Variants in SLC25A26 observed in about 807,000 individuals in gnomAD.
SLC25A26 encodes the protein solute carrier family 25 member 26.
SLC25A26 carries 36 observed loss-of-function variants against 37.8 expected under a neutral mutation model. That is an observed-to-expected ratio of 0.95 (90% CI 0.73 to 1.26). SLC25A26 has a LOEUF of 1.26. Among genes scored for constraint, SLC25A26 ranks in the 50% most tolerant of loss-of-function variants. The pLI, the probability that SLC25A26 is intolerant of heterozygous loss-of-function variation, is 0.00. For synonymous variants in SLC25A26, 129 were observed against 122.5 expected (o/e 1.05, Z -0.35); for missense variants, 390 against 331.1 (o/e 1.18, Z -1.38).
chr3:66,168,200 T>TGCACAC (rs1553649664), intron 1 of SLC25A26, among the ~76,000 whole-genome samples: 1 of 115,484 alleles, frequency 8.7e-6, no homozygotes, highest in Non-Finnish European at 1.8e-5. Flanking sequence ...TATATATATA[T>TGCACAC]ACACACACAC....
Position 66,172,410 on chromosome 3 carries a change from G to GAAAAAAAAAAAAAAA in SLC25A26, c.-354+38432_-354+38446dup, listed in dbSNP as rs1199322248. Among the ~76,000 whole-genome samples the GAAAAAAAAAAAAAAA allele has an allele frequency of 1.2e-3, 89 of 75,122 alleles. 2 individuals are homozygous for GAAAAAAAAAAAAAAA. Among genetic ancestry groups the GAAAAAAAAAAAAAAA allele is most frequent in the Non-Finnish European group, 1.3e-3 (53 of 39,854 alleles). 49.3% of individuals were successfully genotyped at this position (75,122 alleles called of 152,430 possible). Reference sequence around the variant, plus strand: ...TGGGCCAGAGAGTGATACCTGTAAAGAAAAAAAAAAAAAAAAAAAAGGAAA... The same window carrying GAAAAAAAAAAAAAAA: ...TGGGCCAGAGAGTGATACCTGTAAAGAAAAAAAAAAAAAAAAAAAAAAAAAAAAAAAAAAAGGAAA... On this transcript the variant is annotated intron_variant, in intron 1 of 10. Transcript: ENST00000676754.
intron 5 of SLC25A26, among the ~76,000 whole-genome samples, chr3:66,303,572 T>G (rs962616554): frequency 1.3e-5 from 2 of 152,194 alleles, no homozygotes; most frequent in Non-Finnish European, 2.9e-5. Flanking sequence ...ATGTCCCACA[T>G]TTTTCACTCC....
intron 3 of SLC25A26, among the ~76,000 whole-genome samples, chr3:66,253,284 G>A (rs1378158461): frequency 6.6e-6 from 1 of 151,582 alleles, no homozygotes; most frequent in African/African-American, 2.4e-5. Flanking sequence ...GGTGGTGGAC[G>A]CCTGTAGTCC....
At chr3:66,325,995 G>A (rs1378707550) in intron 5 of SLC25A26, among the ~76,000 whole-genome samples, 1 of 152,164 alleles carries the variant, frequency 6.6e-6, no homozygotes, top group African/African-American at 2.4e-5. Flanking sequence ...ACATTAGGGA[G>A]AAATAGATTG....
intron 1 of SLC25A26, among the ~76,000 whole-genome samples, chr3:66,170,053 T>C (rs1191863675): frequency 6.6e-6 from 1 of 152,202 alleles, no homozygotes; most frequent in Non-Finnish European, 1.5e-5. Context: ...GGGCAACCAG[T>C]ATTTTTGCTT....
chr3:66,260,323 T>C (rs565604393), intron 3 of SLC25A26, among the ~76,000 whole-genome samples: 13 of 152,326 alleles, frequency 8.5e-5, no homozygotes, highest in African/African-American at 2.6e-4. Flanking sequence ...CATATGTATT[T>C]CTTGAACTGA....
intron 1 of SLC25A26, among the ~76,000 whole-genome samples, chr3:66,143,835 C>T (rs750885609): frequency 3.1e-4 from 47 of 152,192 alleles, no homozygotes; most frequent in Admixed American, 8.5e-4. Flanking sequence ...GAGCTGAGAT[C>T]GTGCCAGTGC....
At chr3:66,208,309 C>G (rs2106826553) in intron 1 of SLC25A26, among the ~76,000 whole-genome samples, 2 of 152,156 alleles carry the variant, frequency 1.3e-5, no homozygotes, top group African/African-American at 4.8e-5. Context: ...CACAACAGAA[C>G]TGATTTATCA....
At chr3:66,263,799 C>T (rs1295604423) in intron 5 of SLC25A26, among the ~76,000 whole-genome samples, 2 of 152,122 alleles carry the variant, frequency 1.3e-5, no homozygotes, top group South Asian at 2.1e-4. Flanking sequence ...GCTGGGACCA[C>T]GGGTGCCCAC....
At chr3:66,264,570 C>T (rs1010876133) in intron 5 of SLC25A26, among the ~76,000 whole-genome samples, 7 of 152,054 alleles carry the variant, frequency 4.6e-5, no homozygotes, top group Admixed American at 1.3e-4. Context: ...TTATGAACTG[C>T]GCATGTGAGG....
chr3:66,218,820 A>G (rs1401254523), upstream of SLC25A26, among the ~76,000 whole-genome samples: 3 of 152,200 alleles, frequency 2.0e-5, no homozygotes, highest in Non-Finnish European at 4.4e-5. Flanking sequence ...GCTAGCACTA[A>G]TCTGCCAGTT....
At chr3:66,346,446 T>C in intron 6 of SLC25A26, 38 bp downstream of exon 6, 1 of 1,127,520 alleles carries the variant, frequency 8.9e-7, no homozygotes, top group Non-Finnish European at 1.2e-6. Flanking sequence ...TTGTCTCTAA[T>C]TATAACATAC....
intron 5 of SLC25A26, among the ~76,000 whole-genome samples, chr3:66,306,122 C>G (rs1473369371): frequency 1.3e-5 from 2 of 152,094 alleles, no homozygotes; most frequent in Admixed American, 1.3e-4. Context: ...GTAGCTGGGA[C>G]TACAGGTGTG....
chr3:66,210,517 CTCTT>C (rs1246648050), intron 1 of SLC25A26, among the ~76,000 whole-genome samples: 1 of 151,776 alleles, frequency 6.6e-6, no homozygotes, highest in African/African-American at 2.4e-5. Context: ...ACAACTGTGA[CTCTT>C]TTTTTTTTCT....
chr3:66,217,455 C>T (rs968766846), upstream of SLC25A26, among the ~76,000 whole-genome samples: 71 of 152,232 alleles, frequency 4.7e-4, no homozygotes, highest in African/African-American at 1.6e-3. Context: ...ATGACAAGCA[C>T]TGGACTAAAA....
At chr3:66,227,556 T>C (rs1159817854) in intron 1 of SLC25A26, among the ~76,000 whole-genome samples, 1 of 152,244 alleles carries the variant, frequency 6.6e-6, no homozygotes, top group Non-Finnish European at 1.5e-5. Flanking sequence ...GTTAATATGC[T>C]GTGGTAACTG....
chr3:66,239,849 A>G (rs1245743879), intron 2 of SLC25A26, among the ~76,000 whole-genome samples: 2 of 112,016 alleles, frequency 1.8e-5, no homozygotes, highest in African/African-American at 3.6e-5. Flanking sequence ...TTAACAGTGG[A>G]TTAAGCTGGA....
intron 6 of SLC25A26, among the ~76,000 whole-genome samples, chr3:66,349,304 G>A (rs2076396917): frequency 6.6e-6 from 1 of 152,050 alleles, no homozygotes; most frequent in Non-Finnish European, 1.5e-5. Flanking sequence ...ATTTTTGTGA[G>A]TTTCAATAAA....
chr3:66,296,783 G>A (rs2074915777), intron 5 of SLC25A26, among the ~76,000 whole-genome samples: 2 of 152,146 alleles, frequency 1.3e-5, no homozygotes, highest in Non-Finnish European at 2.9e-5. Flanking sequence ...CATAATTTTA[G>A]TACTGGGAAG....
Sources: allele counts gnomAD v4.1 joint callset (sites outside exome capture counted in the v4.1 genomes callset), GRCh38; gene constraint gnomAD v4.1.1; transcripts MANE v1.5; gene names NCBI Gene and HGNC (gene_info 2026-07-23, HGNC 2026-07-21).